Variants in CCDC171 observed in about 807,000 individuals in gnomAD.
CCDC171 encodes coiled-coil domain-containing protein 171.
In CCDC171, 177 loss-of-function variants were observed where a neutral mutation model predicts 168.2. The observed-to-expected ratio is 1.05, with a 90% confidence interval of 0.93 to 1.19. CCDC171 has a LOEUF of 1.19. Among genes scored for constraint, CCDC171 ranks in the 50% most tolerant of loss-of-function variants. The pLI is 0.00. For synonymous variants in CCDC171, 687 were observed against 540.8 expected (o/e 1.27, Z -3.75); for missense variants, 1,991 against 1,539.0 (o/e 1.29, Z -4.91).
chr9:16,008,389 A>G (rs1023612820), intron 3 of CCDC171, among the ~76,000 whole-genome samples: 1 of 152,018 alleles, frequency 6.6e-6, no homozygotes, highest in Non-Finnish European at 1.5e-5. Context: ...TTAAGATCTC[A>G]TCTAAGTCTG....
chr9:16,029,782 G>C (rs202102476), intron 6 of CCDC171, among the ~76,000 whole-genome samples: 1 of 152,184 alleles, frequency 6.6e-6, no homozygotes, highest in East Asian at 1.9e-4. Context: ...GAAAGACTCA[G>C]ATAATAGTCT....
intron 25 of CCDC171, among the ~76,000 whole-genome samples, chr9:15,931,985 G>A (rs1298066775): frequency 1.3e-5 from 2 of 151,892 alleles, no homozygotes; most frequent in African/African-American, 4.8e-5. Flanking sequence ...CCAGTACCGT[G>A]CTGTTTTGCT....
chr9:16,025,783 C>T (rs1833264297), intron 6 of CCDC171, among the ~76,000 whole-genome samples: 1 of 152,008 alleles, frequency 6.6e-6, no homozygotes, highest in African/African-American at 2.4e-5. Flanking sequence ...TTGCTGAGAT[C>T]TTAGGGAAGG....
intron 25 of CCDC171, among the ~76,000 whole-genome samples, chr9:15,936,909 G>A (rs1265032544): frequency 6.6e-6 from 1 of 151,786 alleles, no homozygotes; most frequent in Admixed American, 6.6e-5. Context: ...TTTTTTAGGT[G>A]GAAAGATTGC....
chr9:15,919,302 C>G (rs1824983239), intron 24 of CCDC171, among the ~76,000 whole-genome samples: 1 of 151,644 alleles, frequency 6.6e-6, no homozygotes, highest in East Asian at 1.9e-4. Context: ...CTTACTCTGT[C>G]TTTGTTCACT....
intron 23 of CCDC171, among the ~76,000 whole-genome samples, chr9:15,867,986 C>T (rs1163536855): frequency 6.6e-6 from 1 of 151,932 alleles, no homozygotes; most frequent in South Asian, 2.1e-4. Flanking sequence ...CCCTATTTTC[C>T]AGCTTGATAA....
At chr9:15,947,981 C>A (rs1209963861) in intron 25 of CCDC171, among the ~76,000 whole-genome samples, 1 of 150,546 alleles carries the variant, frequency 6.6e-6, no homozygotes, top group Admixed American at 6.6e-5. Flanking sequence ...CCCGCTGCCC[C>A]CACCCCACAA....
At chr9:15,792,697 C>T (rs2058330635) in intron 21 of CCDC171, among the ~76,000 whole-genome samples, 1 of 152,094 alleles carries the variant, frequency 6.6e-6, no homozygotes, top group Admixed American at 6.5e-5. Flanking sequence ...TAATTTTCAA[C>T]CCAGAATTTC....
At chr9:15,875,809 A>G (rs1007291104) in intron 24 of CCDC171, 11 of 152,122 alleles carry the variant, frequency 7.2e-5, no homozygotes, top group South Asian at 2.1e-4. Flanking sequence ...AGATTGTCCA[A>G]TATGTCTAAA....
chr9:16,038,174 T>A (rs1232346285), upstream of CCDC171, among the ~76,000 whole-genome samples: 4 of 152,164 alleles, frequency 2.6e-5, no homozygotes, highest in African/African-American at 9.7e-5. Context: ...TTTGCAATTA[T>A]ATAGCCAGCT....
chr9:16,015,764 T>G (rs1449794915), intron 3 of CCDC171, among the ~76,000 whole-genome samples: 3 of 152,184 alleles, frequency 2.0e-5, no homozygotes, highest in Non-Finnish European at 4.4e-5. Flanking sequence ...CTGTACCTAT[T>G]AAACACTAAC....
At chr9:15,660,712 C>A (rs992593465) in intron 8 of CCDC171, among the ~76,000 whole-genome samples, 3 of 152,132 alleles carry the variant, frequency 2.0e-5, no homozygotes, top group Admixed American at 2.0e-4. Flanking sequence ...TTTCTTTATC[C>A]AATCCATCAT....
At chr9:15,728,495 A>G (rs912249700) in intron 15 of CCDC171, among the ~76,000 whole-genome samples, 1 of 152,190 alleles carries the variant, frequency 6.6e-6, no homozygotes, top group Admixed American at 6.5e-5. Flanking sequence ...ATTTTAAATT[A>G]TATGCTTATG....
chr9:16,079,322 G>A, the CCDC171 span, among the ~76,000 whole-genome samples: 4 of 152,194 alleles, frequency 2.6e-5, no homozygotes, highest in Admixed American at 1.3e-4. Context: ...TACATAGAAT[G>A]TGACCTTATT....
At chr9:16,001,474 CG>C (rs1286624910) in intron 3 of CCDC171, among the ~76,000 whole-genome samples, 1 of 151,562 alleles carries the variant, frequency 6.6e-6, no homozygotes, top group Non-Finnish European at 1.5e-5. Flanking sequence ...TGTGTGTGGG[CG>C]GGGGTAGGGA....
intron 6 of CCDC171, among the ~76,000 whole-genome samples, chr9:15,622,070 A>T (rs2044552730): frequency 1.3e-5 from 2 of 152,286 alleles, no homozygotes; most frequent in African/African-American, 4.8e-5. Context: ...TCCAAGTGGG[A>T]ACTAAACAAT....
At chr9:16,035,457 G>A (rs376788916) in exon 7 of CCDC171, 117 of 152,204 alleles carry the variant, frequency 7.7e-4, no homozygotes, top group African/African-American at 2.6e-3. Context: ...CCTGCCCTAG[G>A]ATCTGTGGCG....
chr9:15,697,385 A>G (rs2051296002), intron 11 of CCDC171, among the ~76,000 whole-genome samples: 1 of 152,158 alleles, frequency 6.6e-6, no homozygotes, highest in South Asian at 2.1e-4. Flanking sequence ...TAACCTGTAC[A>G]CATTTCTGTA....
intron 25 of CCDC171, among the ~76,000 whole-genome samples, chr9:15,921,628 G>C (rs541138867): frequency 6.6e-6 from 1 of 151,464 alleles, no homozygotes; most frequent in Non-Finnish European, 1.5e-5. Context: ...TGAAAAGTAC[G>C]AGTAATCTAT....
Sources: gnomAD v4.1 joint callset for allele counts (sites outside exome capture counted in the v4.1 genomes callset) on GRCh38, gnomAD v4.1.1 for gene constraint, MANE v1.5 for transcripts, NCBI Gene and HGNC (gene_info 2026-07-23, HGNC 2026-07-21) for gene names.